CD163L1: variants seen among roughly 807,000 people sequenced by gnomAD.
The protein encoded by CD163L1 is scavenger receptor cysteine-rich type 1 protein M160.
CD163L1 carries 124 observed loss-of-function variants against 165.4 expected under a neutral mutation model. The observed-to-expected ratio is 0.75, with a 90% CI of 0.65 to 0.87. CD163L1 has a LOEUF of 0.87. Among genes scored for constraint, CD163L1 ranks in the 40% least tolerant of loss-of-function variants. The probability of loss-of-function intolerance (pLI) is 0.00; values close to 1 mark genes in which losing one functional copy is unlikely to be tolerated. For missense variants in CD163L1, 1,525 were observed against 1,799.9 expected (o/e 0.85, Z 2.76); for synonymous variants, 585 against 662.2 (o/e 0.88, Z 1.79).
At chr12:7,396,441 A>G (rs1391868809) in intron 7 of CD163L1, 26 bp from the exon 8 acceptor site, 40 of 1,567,092 alleles carry the variant, frequency 2.6e-5, no homozygotes, top group Non-Finnish European at 3.3e-5. Context: ...TGAAGCAAGT[A>G]GTTAATGGGT....
At position 7,369,301 on chromosome 12, in the gene CD163L1, A is replaced by T; in HGVS notation, c.4039+56T>A. On this transcript the variant is annotated intron_variant, in intron 15 of 19. Transcript: ENST00000313599. This position sits in a 1 kb window ranked among gnomAD's most constrained non-coding sequence, Gnocchi z 4.9. ...AACTCTCTGAGTGAGCCTGTTTCCCAGTGTTCTCTACCATTAGTGGGAGGC... is the reference window on the plus strand; with the variant it reads ...AACTCTCTGAGTGAGCCTGTTTCCCTGTGTTCTCTACCATTAGTGGGAGGC... 1 of 1,538,102 alleles carries T rather than the reference A, an allele frequency of 6.5e-7. No homozygotes were observed.
intron 18 of CD163L1, among the ~76,000 whole-genome samples, chr12:7,363,930 T>C (rs913618956): frequency 6.6e-6 from 1 of 152,068 alleles, no homozygotes; most frequent in Non-Finnish European, 1.5e-5. Flanking sequence ...ACTTCTAAAC[T>C]CATTTTATAG....
At chr12:7,328,233 G>T in the CD163L1 span, 1 of 1,376,760 alleles carries the variant, frequency 7.3e-7, no homozygotes, top group South Asian at 1.3e-5. Context: ...CTATCGCACG[G>T]ACAATTGGAA....
intron 3 of CD163L1, 109 bp downstream of exon 3, chr12:7,433,265 C>T (rs1591969725): frequency 1.1e-6 from 1 of 902,386 alleles, no homozygotes; most frequent in African/African-American, 1.7e-5. Flanking sequence ...ATATTTCCTA[C>T]ACCTCCCAGA....
intron 1 of CD163L1, 21 bp from the exon 2 acceptor site, chr12:7,441,267 A>T (rs779906425): frequency 7.0e-6 from 11 of 1,569,106 alleles, no homozygotes; most frequent in Non-Finnish European, 9.6e-6. Context: ...AAAATATAGC[A>T]GGGTAGAATT....
chr12:7,334,542 T>C, the CD163L1 span, among the ~76,000 whole-genome samples: 146 of 152,302 alleles, frequency 9.6e-4, 1 homozygote, highest in African/African-American at 3.2e-3. Flanking sequence ...TCATACTGAA[T>C]GGGCAAAAAC....
chr12:7,406,878 C>A, intron 4 of CD163L1, 26 bp from the exon 5 acceptor site: 3 of 1,598,842 alleles, frequency 1.9e-6, no homozygotes, highest in Non-Finnish European at 1.7e-6. Flanking sequence ...AAACACAAAG[C>A]CCAGGTGAAG....
Position 7,374,970 on chromosome 12 carries a change from T to C in CD163L1, c.3002-47A>G, listed in dbSNP as rs375658430. The C allele has an allele frequency of 5.2e-6, 8 of 1,530,530 alleles. No homozygotes were observed. The highest frequency in any genetic ancestry group is 4.1e-5 in the African/African-American group (3 of 73,126). 94.8% of individuals were successfully genotyped at this position (1,530,530 alleles called of 1,614,324 possible). ...GGGGCAAAAGTAAGACCAAAATACA[T>C]GGAAAAGGTTGAAGAGTTCTGTAAC... On this transcript the variant is annotated intron_variant, in intron 11 of 19. Coordinates refer to ENST00000313599, the MANE Select transcript of CD163L1 (RefSeq NM_174941.6). This position sits in a 1 kb window ranked among gnomAD's most constrained non-coding sequence, Gnocchi z 5.4.
chr12:7,339,400 A>G, the CD163L1 span, among the ~76,000 whole-genome samples: 8,973 of 152,228 alleles, frequency 0.059, 377 homozygotes, highest in East Asian at 0.17. Context: ...CTTAGTCTTG[A>G]TCAGATGCAG....
At chr12:7,320,623 G>A in the CD163L1 span, 2 of 911,934 alleles carry the variant, frequency 2.2e-6, no homozygotes, top group East Asian at 2.6e-5. Context: ...ACCACGGGAT[G>A]GGCACATATT....
chr12:7,329,837 C>T, the CD163L1 span, among the ~76,000 whole-genome samples: 3 of 152,000 alleles, frequency 2.0e-5, no homozygotes, highest in South Asian at 2.1e-4. Flanking sequence ...GTATAACAAC[C>T]GAGGCTTACC....
At chr12:7,384,215 A>C (rs1947469073) in intron 8 of CD163L1, among the ~76,000 whole-genome samples, 1 of 152,138 alleles carries the variant, frequency 6.6e-6, no homozygotes, top group African/African-American at 2.4e-5. Flanking sequence ...CAGAACTTGA[A>C]GATAAATCTT....
intron 7 of CD163L1, among the ~76,000 whole-genome samples, chr12:7,397,294 A>C (rs7484554): frequency 0.12 from 18,758 of 152,110 alleles, 1,666 homozygotes; most frequent in African/African-American, 0.24. Context: ...GAGCTTAGAG[A>C]TTCAAATTCC....
intron 18 of CD163L1, among the ~76,000 whole-genome samples, chr12:7,362,317 A>G (rs1946912426): frequency 7.2e-6 from 1 of 139,342 alleles, no homozygotes; most frequent in Non-Finnish European, 1.5e-5. Context: ...TAATTATATT[A>G]AATTATATAA....
intron 4 of CD163L1, among the ~76,000 whole-genome samples, chr12:7,410,116 AGATT>A (rs1948104661): frequency 6.6e-6 from 1 of 152,206 alleles, no homozygotes; most frequent in Admixed American, 6.5e-5. Flanking sequence ...ATAACACAAT[AGATT>A]AACAAAATTC....
At chr12:7,441,764 C>G (rs1044500620) in intron 1 of CD163L1, among the ~76,000 whole-genome samples, 1 of 152,176 alleles carries the variant, frequency 6.6e-6, no homozygotes, top group Non-Finnish European at 1.5e-5. Context: ...AATGTACAAG[C>G]AAATCAACAT....
chr12:7,413,512 A>T (rs970281273), intron 4 of CD163L1, among the ~76,000 whole-genome samples: 1 of 152,174 alleles, frequency 6.6e-6, no homozygotes, highest in Non-Finnish European at 1.5e-5. Context: ...GCCATGTAGG[A>T]TGCCTCACCT....
intron 2 of CD163L1, among the ~76,000 whole-genome samples, chr12:7,440,629 C>T (rs1431399955): frequency 8.6e-6 from 1 of 116,382 alleles, no homozygotes; most frequent in Non-Finnish European, 1.8e-5. Context: ...TATCTTTTTT[C>T]TTTTTTTTTT....
intron 4 of CD163L1, among the ~76,000 whole-genome samples, chr12:7,411,743 C>A (rs941190442): frequency 6.6e-6 from 1 of 152,156 alleles, no homozygotes; most frequent in African/African-American, 2.4e-5. Flanking sequence ...TCCTTCATAG[C>A]AATGCAAATG....
Sources: allele counts gnomAD v4.1 joint callset (sites outside exome capture counted in the v4.1 genomes callset), GRCh38; gene constraint gnomAD v4.1.1; non-coding constraint Gnocchi (gnomAD v3.1); transcripts MANE v1.5; gene names NCBI Gene and HGNC (gene_info 2026-07-23, HGNC 2026-07-21).